XRCC5: variants seen among roughly 807,000 people sequenced by gnomAD.
XRCC5 encodes DNA repair protein Ku80.
XRCC5 carries 12 observed loss-of-function variants against 95.7 expected under a neutral mutation model. That is an observed-to-expected ratio of 0.13 (90% CI 0.08 to 0.20). The LOEUF (loss-of-function observed/expected upper bound fraction) is 0.20. Ranked by LOEUF, XRCC5 falls within the 10% of genes least tolerant of loss-of-function variation. The pLI, the probability that XRCC5 is intolerant of heterozygous loss-of-function variation, is 1.00. For synonymous variants in XRCC5, 281 were observed against 290.3 expected (o/e 0.97, Z 0.33); for missense variants, 595 against 873.9 (o/e 0.68, Z 4.02).
rs1341415131 is a variant in XRCC5, at chr2:216,117,768, C to T, written c.342C>T (p.Ser114=). 4.3e-6 allele frequency: 7 copies of T among 1,614,080 alleles called. No individual in the cohort carries two copies. The highest frequency in any genetic ancestry group is 5.9e-6 in the Non-Finnish European group (7 of 1,179,996). Residue 114 remains serine (S), a synonymous_variant, in exon 4 of 21, where the codon AGC becomes AGT. Coordinates refer to ENST00000392132, the MANE Select transcript of XRCC5 (RefSeq NM_021141.4). The part of the protein sequence containing the change: ...QADFLDALIV[S]MDVIQHETIG... Reference sequence around the variant, plus strand: ...GAGTCCTGGATGCACTAATCGTGAGCATGGATGTGATTCAACATGAAACAA... The same window carrying T: ...GAGTCCTGGATGCACTAATCGTGAGTATGGATGTGATTCAACATGAAACAA...
At chr2:216,174,913 T>C in intron 16 of XRCC5, 1 of 344,990 alleles carries the variant, frequency 2.9e-6, no homozygotes. Flanking sequence ...TCTGCTACCA[T>C]ATCCGTCACG....
At chr2:216,138,868 ATGTCTG>A (rs1410601539) in intron 12 of XRCC5, among the ~76,000 whole-genome samples, 1 of 152,218 alleles carries the variant, frequency 6.6e-6, no homozygotes, top group African/African-American at 2.4e-5. Flanking sequence ...TTTATATATA[ATGTCTG>A]TGTCTGTGTT....
In XRCC5 at chr2:216,166,411, C is replaced by T. The variant is rs192948395; in HGVS notation, c.1834+4363C>T. 7.2e-5 allele frequency among the ~76,000 whole-genome samples: 11 copies of T among 152,236 alleles called. No homozygotes were observed. In the East Asian group the frequency reaches 2.1e-3, roughly 29 times the overall value. On this transcript the variant is annotated intron_variant, in intron 16 of 20. Transcript: ENST00000392132. The stretch of plus-strand genomic sequence containing the variant: ...TGCTGGGATTACAGGTGTGAGCCAC[C>T]AAGTCCAGCTCAGAAAAAATTTTGA...
intron 14 of XRCC5, among the ~76,000 whole-genome samples, chr2:216,157,572 T>A (rs1688870990): frequency 6.8e-6 from 1 of 146,190 alleles, no homozygotes; most frequent in Non-Finnish European, 1.5e-5. Context: ...GATAGGCCTA[T>A]CACAGTATTT....
intron 13 of XRCC5, among the ~76,000 whole-genome samples, chr2:216,141,763 C>G (rs752672626): frequency 1.1e-4 from 17 of 151,870 alleles, no homozygotes; most frequent in Non-Finnish European, 1.9e-4. Flanking sequence ...TTTGTGAAGA[C>G]AAGTCTTGGC....
At chr2:216,203,063 G>A (rs1038375966) in intron 19 of XRCC5, among the ~76,000 whole-genome samples, 1 of 152,204 alleles carries the variant, frequency 6.6e-6, no homozygotes, top group Non-Finnish European at 1.5e-5. Context: ...TAACAGGAAT[G>A]TAGAGAATGG....
chr2:216,206,243 C>CA lies in XRCC5; in HGVS notation c.*1042dup, dbSNP rs945454458. 4 of 152,208 alleles carry CA rather than the reference C, an allele frequency of 2.6e-5. No homozygotes were observed. The highest frequency in any genetic ancestry group is 9.7e-5 in the African/African-American group (4 of 41,446). 9.4% of individuals were successfully genotyped at this position (152,208 alleles called of 1,614,324 possible). On this transcript the variant is annotated 3_prime_UTR_variant, in exon 21 of 21. Coordinates refer to ENST00000392132, the MANE Select transcript of XRCC5 (RefSeq NM_021141.4). ...ACCCTCATAAGTCGTCACTAATACA[C>CA]AGTTTTGTACATGTAACATTAAAGG...
At chr2:216,111,848 G>A (rs1696596296) in intron 1 of XRCC5, among the ~76,000 whole-genome samples, 1 of 152,150 alleles carries the variant, frequency 6.6e-6, no homozygotes, top group African/African-American at 2.4e-5. Flanking sequence ...GAGATTAAGT[G>A]ACATTCCCAA....
chr2:216,202,937 A>C (rs1689866980), intron 19 of XRCC5, among the ~76,000 whole-genome samples: 1 of 152,220 alleles, frequency 6.6e-6, no homozygotes. Context: ...AACTTGCCAC[A>C]TGCAGCCTCA....
At chr2:216,178,191 C>T (rs982223996) in intron 16 of XRCC5, among the ~76,000 whole-genome samples, 1 of 152,186 alleles carries the variant, frequency 6.6e-6, no homozygotes, top group Non-Finnish European at 1.5e-5. Context: ...TGTTTTTTAT[C>T]TCCTTGTATG....
At chr2:216,162,968 G>A (rs1200896046) in intron 16 of XRCC5, among the ~76,000 whole-genome samples, 3 of 152,140 alleles carry the variant, frequency 2.0e-5, no homozygotes, top group Non-Finnish European at 4.4e-5. Context: ...TTAAATGGTG[G>A]CAACTGGCAG....
At chr2:216,156,782 A>G (rs1034951406) in intron 14 of XRCC5, 1 of 523,898 alleles carries the variant, frequency 1.9e-6, no homozygotes, top group Non-Finnish European at 3.9e-6. Flanking sequence ...TGTCCATGAG[A>G]GTAACCACAC....
chr2:216,158,440 T>G (rs1391222839), intron 14 of XRCC5, among the ~76,000 whole-genome samples: 1 of 152,184 alleles, frequency 6.6e-6, no homozygotes, highest in Non-Finnish European at 1.5e-5. Flanking sequence ...CTTCAGTAGT[T>G]TAATGTTGTT....
rs947784793 is a variant in XRCC5, at chr2:216,195,049, C to A, written c.2109+63C>A. Reference sequence around the variant, plus strand: ...TATAGTGGACTTTATTTTCTTGATACCCTCGAAGAAGTTAAATTTTATGGG... The same window carrying A: ...TATAGTGGACTTTATTTTCTTGATAACCTCGAAGAAGTTAAATTTTATGGG... On this transcript the variant is annotated intron_variant, in intron 19 of 20. Coordinates refer to ENST00000392132, the MANE Select transcript of XRCC5 (RefSeq NM_021141.4). 2.6e-6 allele frequency: 4 copies of A among 1,515,196 alleles called. No individual in the cohort carries two copies. The Admixed American group carries it at 5.3e-5, about 20-fold the overall frequency. The allele number at this position is 1,515,196 out of a possible 1,614,324, so 93.9% of individuals were successfully genotyped here. A position where few individuals can be genotyped will look rare whatever the true frequency, so the allele number is the denominator to read the frequency against.
chr2:216,127,171 C>T (rs576821599), intron 7 of XRCC5, among the ~76,000 whole-genome samples: 10 of 152,112 alleles, frequency 6.6e-5, no homozygotes, highest in South Asian at 2.1e-4. Context: ...TCCCGGGAGG[C>T]GGAGGTTGCA....
At chr2:216,168,506 C>G in intron 16 of XRCC5, among the ~76,000 whole-genome samples, 1 of 152,228 alleles carries the variant, frequency 6.6e-6, no homozygotes, top group Non-Finnish European at 1.5e-5. Flanking sequence ...TTCAGCGACT[C>G]TTCCTAAAAG....
At chr2:216,163,682 C>G (rs1206584199) in intron 16 of XRCC5, among the ~76,000 whole-genome samples, 3 of 152,152 alleles carry the variant, frequency 2.0e-5, no homozygotes, top group African/African-American at 7.2e-5. Flanking sequence ...TCTAGGAATC[C>G]TGGCAAGATC....
intron 2 of XRCC5, among the ~76,000 whole-genome samples, chr2:216,116,268 G>T (rs1003994253): frequency 1.3e-5 from 2 of 151,786 alleles, no homozygotes; most frequent in Non-Finnish European, 2.9e-5. Context: ...AGGCTATCCT[G>T]CACTTTTTTT....
intron 16 of XRCC5, among the ~76,000 whole-genome samples, chr2:216,167,841 A>G (rs1689084397): frequency 6.6e-6 from 1 of 152,190 alleles, no homozygotes; most frequent in South Asian, 2.1e-4. Context: ...TTTTTTTCTT[A>G]AAGAATTTGA....
Sources: gnomAD v4.1 joint callset for allele counts (sites outside exome capture counted in the v4.1 genomes callset) on GRCh38, gnomAD v4.1.1 for gene constraint, MANE v1.5 for transcripts, NCBI Gene and HGNC (gene_info 2026-07-23, HGNC 2026-07-21) for gene names.